XPO1: variants seen among roughly 807,000 people sequenced by gnomAD.
XPO1 encodes the protein exportin 1.
Under a neutral mutation model 133.3 loss-of-function variants are expected in XPO1, and 5 were observed. That is an observed-to-expected ratio of 0.04 (90% CI 0.02 to 0.08). The LOEUF is 0.08. XPO1 is among the 10% of genes least tolerant of loss of function. XPO1 has a pLI of 1.00. For missense variants in XPO1, 506 were observed against 1,267.5 expected (o/e 0.40, Z 9.12); for synonymous variants, 419 against 408.2 (o/e 1.03, Z -0.32).
At chr2:61,536,706 T>G (rs1371734518) in intron 1 of XPO1, 1 of 152,018 alleles carries the variant, frequency 6.6e-6, no homozygotes, top group East Asian at 1.9e-4. Context: ...GAGCACGCAC[T>G]CACCCCGCCC....
At chr2:61,491,451 AAAAAAC>A (rs1332044883) in intron 16 of XPO1, among the ~76,000 whole-genome samples, 10 of 111,324 alleles carry the variant, frequency 9.0e-5, no homozygotes, top group African/African-American at 3.4e-4. Flanking sequence ...ACTCCATCTC[AAAAAAC>A]AAACACACAC....
At chr2:61,503,747 T>C (rs2104547799) in intron 4 of XPO1, among the ~76,000 whole-genome samples, 1 of 152,264 alleles carries the variant, frequency 6.6e-6, no homozygotes, top group East Asian at 1.9e-4. Context: ...TTTGTATTTT[T>C]ATAGAGACAT....
intron 4 of XPO1, among the ~76,000 whole-genome samples, chr2:61,519,245 A>G (rs1244646799): frequency 1.3e-5 from 2 of 152,120 alleles, no homozygotes; most frequent in Non-Finnish European, 2.9e-5. Context: ...CACCGTGCTG[A>G]GCCTATCTTT....
intron 17 of XPO1, among the ~76,000 whole-genome samples, chr2:61,489,119 T>A (rs1238950991): frequency 7.0e-6 from 1 of 143,566 alleles, no homozygotes; most frequent in Non-Finnish European, 1.5e-5. Flanking sequence ...AAAAAAGAAT[T>A]ATCCATCATA....
At position 61,493,952 on chromosome 2, in the gene XPO1, C is replaced by T. The variant is rs572708816; in HGVS notation, c.1187G>A (p.Gly396Glu). Residue 396 changes from glycine (G) to glutamate (E), a missense_variant, in exon 12 of 25, where the codon GGA becomes GAA. Physicochemically the swap from Gly to Glu is moderately conservative, Grantham distance 98 (BLOSUM62 -2). Coordinates refer to ENST00000401558, the MANE Select transcript of XPO1 (RefSeq NM_003400.4). ...FSTSASPLLS[G>E]SQHFDVPPRR... The stretch of plus-strand genomic sequence containing the variant: ...GGGAGGAACATCAAAATGTTGACTT[C>T]CAGAAAGCAACGGAGAGGCAGATGT... 1 of 1,614,080 alleles carries T rather than the reference C, an allele frequency of 6.2e-7. No homozygotes were observed. The highest frequency in any genetic ancestry group is 2.2e-5 in the East Asian group (1 of 44,870).
intron 4 of XPO1, among the ~76,000 whole-genome samples, chr2:61,505,955 T>C (rs1697789842): frequency 6.6e-6 from 1 of 152,226 alleles, no homozygotes; most frequent in South Asian, 2.1e-4. Context: ...ACTAACCCTT[T>C]TGTTCCTTAC....
chr2:61,537,764 CA>C lies in XPO1; in HGVS notation c.-210del, dbSNP rs1699418184. The C allele has an allele frequency of 6.6e-6, 1 of 152,582 alleles. No individual in the cohort carries two copies. Among genetic ancestry groups the C allele is most frequent in the Non-Finnish European group, 1.4e-5 (1 of 69,164 alleles). 9.5% of individuals were successfully genotyped at this position (152,582 alleles called of 1,614,324 possible). A position where few individuals can be genotyped will look rare whatever the true frequency, so the allele number is the denominator to read the frequency against. ...GGACGCTTCCCCCAACACACACACA[CA>C]CACACACACACACACACACCCGCCC... On this transcript the variant is annotated 5_prime_UTR_variant, in exon 1 of 25. Transcript: ENST00000401558.
intron 4 of XPO1, among the ~76,000 whole-genome samples, chr2:61,514,542 G>A (rs533442548): frequency 1.3e-5 from 2 of 149,498 alleles, no homozygotes; most frequent in East Asian, 3.9e-4. Flanking sequence ...GCAGTCAGCC[G>A]AGATCAGGCC....
At chr2:61,512,600 T>C (rs762842745) in intron 4 of XPO1, among the ~76,000 whole-genome samples, 3 of 152,178 alleles carry the variant, frequency 2.0e-5, no homozygotes, top group Non-Finnish European at 2.9e-5. Context: ...GGAATTGACA[T>C]TAAAGATGTT....
rs1160340706 is a variant in XPO1 at position 61,485,695 on chromosome 2, G to C, written c.2508+73C>G. On this transcript the variant is annotated intron_variant, in intron 20 of 24. Transcript: ENST00000401558. ...GCATTAAAATTATGTTATATCCACAGACATACTTTAGCTTTCAAGAATTAA... is the reference window on the plus strand; with the variant it reads ...GCATTAAAATTATGTTATATCCACACACATACTTTAGCTTTCAAGAATTAA... 18 of 1,226,552 alleles carry C rather than the reference G, an allele frequency of 1.5e-5. No homozygotes were observed. The East Asian group carries it at 4.0e-4, about 27-fold the overall frequency. The allele number at this position is 1,226,552 out of a possible 1,614,324, so 76.0% of individuals were successfully genotyped here.
At chr2:61,529,543 T>C (rs1167054823) in intron 2 of XPO1, among the ~76,000 whole-genome samples, 2 of 151,594 alleles carry the variant, frequency 1.3e-5, no homozygotes, top group Non-Finnish European at 2.9e-5. Flanking sequence ...GTAATCCCAG[T>C]TACTCAGGAG....
At chr2:61,529,231 T>G (rs1699048038) in intron 2 of XPO1, among the ~76,000 whole-genome samples, 1 of 152,188 alleles carries the variant, frequency 6.6e-6, no homozygotes, top group Non-Finnish European at 1.5e-5. Flanking sequence ...ATACTTTACT[T>G]TATCATGGGT....
chr2:61,482,906 A>AG (rs1264804373), intron 22 of XPO1, 51 bp downstream of exon 22: 4 of 1,607,882 alleles, frequency 2.5e-6, no homozygotes, highest in Non-Finnish European at 3.4e-6. Flanking sequence ...TATAGGCGTG[A>AG]GGCCCTGTGC....
rs549066372 is a variant in XPO1, at chr2:61,514,271, T to C, written c.301+8340A>G. Among the ~76,000 whole-genome samples, 10 of 151,646 alleles carry C rather than the reference T, an allele frequency of 6.6e-5. No homozygotes were observed. In the South Asian group the frequency reaches 2.1e-3, roughly 32 times the overall value. ...ATGGCAAAGAACATGTAAGGATATG[T>C]GATGGAACACAGAACAACACTACTC... is the stretch of plus-strand genomic sequence containing the variant. On this transcript the variant is annotated intron_variant, in intron 4 of 24. Coordinates refer to ENST00000401558, the MANE Select transcript of XPO1 (RefSeq NM_003400.4).
chr2:61,497,017 AG>A lies in XPO1; in HGVS notation c.760-11del. The A allele has an allele frequency of 1.9e-6, 3 of 1,600,530 alleles. No individual in the cohort carries two copies. Among genetic ancestry groups the A allele is most frequent in the South Asian group, 2.3e-5 (2 of 87,874 alleles). The stretch of plus-strand genomic sequence containing the variant: ...TTGGAACATTCAGGAACTATTTAAA[AG>A]GGGGGAGGGAACCATAAAATTAATT... On this transcript the variant is annotated splice_polypyrimidine_tract_variant and intron_variant, in intron 9 of 24. Coordinates refer to ENST00000401558, the MANE Select transcript of XPO1 (RefSeq NM_003400.4).
chr2:61,492,900 T>C lies in XPO1; in HGVS notation c.1384+15A>G, dbSNP rs538305581. 1.1e-5 allele frequency: 18 copies of C among 1,587,774 alleles called. No homozygotes were observed. In the South Asian group the frequency reaches 1.8e-4, roughly 16 times the overall value. On this transcript the variant is annotated intron_variant, in intron 13 of 24. Transcript: ENST00000401558. This position sits in a 1 kb window ranked among gnomAD's most constrained non-coding sequence, Gnocchi z 5.6. ...GATTTATAAAGGTAAAGATTAACAG[T>C]ATTTATTAACTTACCCAATGTTTCC...
At chr2:61,504,279 A>G (rs1697688151) in intron 4 of XPO1, among the ~76,000 whole-genome samples, 1 of 152,232 alleles carries the variant, frequency 6.6e-6, no homozygotes, top group Admixed American at 6.5e-5. Flanking sequence ...TGCATCATGT[A>G]GAATTTGCTG....
chr2:61,497,395 A>G (rs1428215296), intron 9 of XPO1, among the ~76,000 whole-genome samples: 1 of 152,082 alleles, frequency 6.6e-6, no homozygotes, highest in East Asian at 1.9e-4. Flanking sequence ...TATTTTTAGT[A>G]GAGACAGGGT....
At position 61,478,771 on chromosome 2, in the gene XPO1, T is replaced by A; in HGVS notation, c.*49A>T. ...GGTCGACAAATACCCACATGCTGTTTTCCTCTGCTAACGAGTTGCAGAGAA... is the reference window on the plus strand; with the variant it reads ...GGTCGACAAATACCCACATGCTGTTATCCTCTGCTAACGAGTTGCAGAGAA... On this transcript the variant is annotated 3_prime_UTR_variant, in exon 25 of 25. Coordinates refer to ENST00000401558, the MANE Select transcript of XPO1 (RefSeq NM_003400.4). 1 of 1,594,770 alleles carries A rather than the reference T, an allele frequency of 6.3e-7. No individual in the cohort carries two copies. Among genetic ancestry groups the A allele is most frequent in the Non-Finnish European group, 8.5e-7 (1 of 1,169,722 alleles).
Sources: gnomAD v4.1 joint callset for allele counts (sites outside exome capture counted in the v4.1 genomes callset) on GRCh38, gnomAD v4.1.1 for gene constraint, Gnocchi (gnomAD v3.1) non-coding constraint, MANE v1.5 for transcripts, NCBI Gene and HGNC (gene_info 2026-07-23, HGNC 2026-07-21) for gene names.